Variants in KCNH7 observed in about 807,000 individuals in gnomAD.
KCNH7 encodes voltage-gated inwardly rectifying potassium channel KCNH7.
KCNH7 carries 49 observed loss-of-function variants against 120.8 expected under a neutral mutation model. That is an observed-to-expected ratio of 0.41 (90% CI 0.32 to 0.51). The LOEUF (loss-of-function observed/expected upper bound fraction) is 0.51. KCNH7 is among the 20% of genes least tolerant of loss of function. KCNH7 has a pLI of 0.38. For synonymous variants in KCNH7, 547 were observed against 516.1 expected (o/e 1.06, Z -0.81); for missense variants, 1,097 against 1,446.6 (o/e 0.76, Z 3.92).
intron 3 of KCNH7, among the ~76,000 whole-genome samples, chr2:162,535,342 T>A (rs767384397): frequency 1.3e-5 from 2 of 151,764 alleles, no homozygotes; most frequent in African/African-American, 4.8e-5. Context: ...TAAAAGTCAA[T>A]GTATAAGTCA....
intron 2 of KCNH7, among the ~76,000 whole-genome samples, chr2:162,608,111 A>G (rs1682842017): frequency 6.6e-6 from 1 of 152,164 alleles, no homozygotes; most frequent in African/African-American, 2.4e-5. Context: ...GTATGTTTAC[A>G]AAGTATGTTT....
chr2:162,610,226 G>T (rs1490069034), intron 2 of KCNH7, among the ~76,000 whole-genome samples: 2 of 152,122 alleles, frequency 1.3e-5, no homozygotes, highest in African/African-American at 2.4e-5. Context: ...AACCTGAGAG[G>T]TTATGGAGAA....
At chr2:162,531,991 G>A (rs1691940214) in intron 3 of KCNH7, among the ~76,000 whole-genome samples, 1 of 151,762 alleles carries the variant, frequency 6.6e-6, no homozygotes, top group Non-Finnish European at 1.5e-5. Flanking sequence ...TTAAAGTTTT[G>A]TGATAAGGCT....
intron 3 of KCNH7, among the ~76,000 whole-genome samples, chr2:162,536,147 T>C (rs1340643040): frequency 6.6e-6 from 1 of 151,826 alleles, no homozygotes. Flanking sequence ...AAGGAAAGGG[T>C]TATAAATTTA....
At chr2:162,405,191 A>T (rs1687174083) in intron 9 of KCNH7, among the ~76,000 whole-genome samples, 1 of 152,006 alleles carries the variant, frequency 6.6e-6, no homozygotes, top group South Asian at 2.1e-4. Flanking sequence ...ACATGTATTA[A>T]CTTCCCTTTA....
chr2:162,377,202 A>C (rs188026418), intron 14 of KCNH7, among the ~76,000 whole-genome samples: 4 of 152,098 alleles, frequency 2.6e-5, no homozygotes, highest in African/African-American at 9.7e-5. Flanking sequence ...TGGAGGTGAA[A>C]GGTTGTTAAA....
intron 12 of KCNH7, among the ~76,000 whole-genome samples, chr2:162,388,925 C>T (rs1297006613): frequency 6.6e-6 from 1 of 151,932 alleles, no homozygotes. Context: ...TATCGAAGAG[C>T]TCATTTTAAT....
intron 2 of KCNH7, among the ~76,000 whole-genome samples, chr2:162,807,181 C>T (rs962822138): frequency 3.0e-5 from 4 of 132,348 alleles, no homozygotes; most frequent in Admixed American, 9.0e-5. Context: ...GAGGCCAAGG[C>T]GGGTGGATCA....
At chr2:162,484,749 A>T (rs982603025) in intron 6 of KCNH7, among the ~76,000 whole-genome samples, 38 of 152,118 alleles carry the variant, frequency 2.5e-4, no homozygotes, top group Admixed American at 6.6e-4. Flanking sequence ...TAATGAGTGA[A>T]TTCTTGCTCT....
Position 162,838,555 on chromosome 2 carries a change from C to G in KCNH7, c.-37G>C. ...TCTTCCGAGGAGCGCTCCCCCGGAG[C>G]TCTGGAGTTCTCCCGGGATCTCTCC... On this transcript the variant is annotated 5_prime_UTR_variant, in exon 1 of 16. Transcript: ENST00000332142. 6.5e-7 allele frequency: 1 copy of G among 1,543,486 alleles called. No individual in the cohort carries two copies. The highest frequency in any genetic ancestry group is 8.9e-7 in the Non-Finnish European group (1 of 1,122,488).
At chr2:162,472,947 C>A (rs894808404) in intron 6 of KCNH7, among the ~76,000 whole-genome samples, 7 of 152,140 alleles carry the variant, frequency 4.6e-5, no homozygotes, top group African/African-American at 7.2e-5. Flanking sequence ...TGGAAACCAT[C>A]ATTCTCAGCA....
intron 10 of KCNH7, among the ~76,000 whole-genome samples, chr2:162,398,944 T>C (rs369688107): frequency 1.3e-5 from 2 of 151,842 alleles, no homozygotes; most frequent in East Asian, 1.9e-4. Flanking sequence ...ATTATCAAAA[T>C]ATATAAGAAA....
chr2:162,807,741 G>A (rs990328857), intron 2 of KCNH7, among the ~76,000 whole-genome samples: 5 of 151,932 alleles, frequency 3.3e-5, no homozygotes, highest in Admixed American at 2.6e-4. Flanking sequence ...GGAGTGCAGT[G>A]GCGCAATCTC....
chr2:162,513,374 C>T (rs1455265026), intron 4 of KCNH7, among the ~76,000 whole-genome samples: 2 of 139,298 alleles, frequency 1.4e-5, no homozygotes, highest in East Asian at 4.5e-4. Flanking sequence ...TCCTTCCTTC[C>T]TTCCTTCCTT....
chr2:162,766,552 G>T (rs1682815417), intron 2 of KCNH7, among the ~76,000 whole-genome samples: 2 of 152,116 alleles, frequency 1.3e-5, no homozygotes, highest in African/African-American at 4.8e-5. Flanking sequence ...AAAAAAGCTT[G>T]ATTAGTGGAG....
chr2:162,656,796 A>G (rs1032898354), intron 2 of KCNH7, among the ~76,000 whole-genome samples: 1 of 152,184 alleles, frequency 6.6e-6, no homozygotes, highest in Non-Finnish European at 1.5e-5. Flanking sequence ...AATACAAAGG[A>G]AAAATGCAGA....
In KCNH7 at chr2:162,435,604, A is replaced by C; in HGVS notation, c.1555-7T>G. Reference sequence around the variant, plus strand: ...GACCAATTAATGTTGTTGTCTGTAGAAATAAATGTACACAGTCAGAAACGG... The same window carrying C: ...GACCAATTAATGTTGTTGTCTGTAGCAATAAATGTACACAGTCAGAAACGG... On this transcript the variant is annotated splice_polypyrimidine_tract_variant and splice_region_variant and intron_variant, in intron 7 of 15. Transcript: ENST00000332142. 1 of 1,571,528 alleles carries C rather than the reference A, an allele frequency of 6.4e-7. No homozygotes were observed. The highest frequency in any genetic ancestry group is 8.6e-7 in the Non-Finnish European group (1 of 1,158,964).
chr2:162,559,054 C>CAAAAAAAAAAAAAAAAAAAAAAGAAA (rs1692965118), intron 2 of KCNH7, among the ~76,000 whole-genome samples: 5 of 37,142 alleles, frequency 1.3e-4, no homozygotes, highest in Non-Finnish European at 2.8e-4. Context: ...GACTCTGCCT[C>CAAAAAAAAAAAAAAAAAAAAAAGAAA]AAAAAAAAAA....
intron 9 of KCNH7, among the ~76,000 whole-genome samples, chr2:162,412,032 G>T (rs1199596545): frequency 6.6e-6 from 1 of 151,672 alleles, no homozygotes; most frequent in African/African-American, 2.4e-5. Context: ...CCAAAAAGAA[G>T]TCCTTCAGAA....
Sources: gnomAD v4.1 joint callset for allele counts (sites outside exome capture counted in the v4.1 genomes callset) on GRCh38, gnomAD v4.1.1 for gene constraint, MANE v1.5 for transcripts, NCBI Gene and HGNC (gene_info 2026-07-23, HGNC 2026-07-21) for gene names.